The following MTMR14 variants were observed in gnomAD, a reference collection of about 807,000 sequenced individuals.
The protein encoded by MTMR14 is myotubularin related protein 14, also known as phosphatidylinositol-3,5-bisphosphate 3-phosphatase MTMR14.
MTMR14 carries 48 observed loss-of-function variants against 86.3 expected under a neutral mutation model. The ratio of observed to expected loss-of-function variants is 0.56; its 90% CI spans 0.44 to 0.71. The LOEUF is 0.71. Among genes scored for constraint, MTMR14 ranks in the 30% least tolerant of loss-of-function variants. MTMR14 has a pLI of 0.00. For missense variants in MTMR14, 780 were observed against 834.6 expected, an observed-to-expected ratio of 0.93 and a Z score of 0.81; for synonymous variants, 366 against 326.1, an observed-to-expected ratio of 1.12 and a Z score of -1.32.
intron 3 of MTMR14, among the ~76,000 whole-genome samples, chr3:9,662,850 A>G (rs1352386314): frequency 6.6e-6 from 1 of 152,174 alleles, no homozygotes; most frequent in Non-Finnish European, 1.5e-5. Flanking sequence ...AAAAATCTTT[A>G]TTGTCATGGA....
intron 7 of MTMR14, chr3:9,675,675 A>C: frequency 2.2e-6 from 1 of 457,382 alleles, no homozygotes; most frequent in African/African-American, 2.0e-5. Flanking sequence ...TATTCAGGTA[A>C]TGAACATTAG....
At chr3:9,679,189 A>G (rs1413450032) in intron 9 of MTMR14, among the ~76,000 whole-genome samples, 1 of 152,220 alleles carries the variant, frequency 6.6e-6, no homozygotes. Context: ...TGTATGAAGT[A>G]GGGTGATGTC....
chr3:9,685,065 C>A (rs900927716), intron 12 of MTMR14, 101 bp downstream of exon 12: 3 of 1,486,110 alleles, frequency 2.0e-6, no homozygotes, highest in South Asian at 1.1e-5. Context: ...AAGGATAATT[C>A]CACCCCTCGA....
At chr3:9,682,353 C>T (rs1310567427) in intron 9 of MTMR14, among the ~76,000 whole-genome samples, 1 of 152,182 alleles carries the variant, frequency 6.6e-6, no homozygotes, top group Non-Finnish European at 1.5e-5. Context: ...TGCTGTTTTG[C>T]TGGCATGCGT....
intron 18 of MTMR14, chr3:9,700,755 G>A (rs570869054): frequency 1.3e-5 from 2 of 152,314 alleles, no homozygotes; most frequent in African/African-American, 4.8e-5. Context: ...GGTTCTTCCA[G>A]GGCAATAGCT....
chr3:9,699,982 C>T (rs2076402753), intron 18 of MTMR14: 1 of 152,192 alleles, frequency 6.6e-6, no homozygotes, highest in African/African-American at 2.4e-5. Context: ...TACAGGAATC[C>T]AGTCTCAGCT....
chr3:9,655,500 A>G (rs1574927926), intron 2 of MTMR14, among the ~76,000 whole-genome samples: 1 of 102,512 alleles, frequency 9.8e-6, no homozygotes, highest in Non-Finnish European at 1.8e-5. Flanking sequence ...GTGCTCTGTC[A>G]CCCAGGCTGG....
At chr3:9,658,065 T>G (rs180746439) in intron 2 of MTMR14, among the ~76,000 whole-genome samples, 83 of 152,296 alleles carry the variant, frequency 5.4e-4, no homozygotes, top group African/African-American at 2.0e-3. Flanking sequence ...TTAGAGGAGC[T>G]TGTTGGAGTT....
Position 9,685,440 on chromosome 3 carries a change from C to T in MTMR14, c.1164+193C>T, listed in dbSNP as rs528249524. ...CAGTAGCTCTGTGTTCTGGGCCTCG[C>T]GGGCCTGTGCTGTGGAGAGGATACA... On this transcript the variant is annotated intron_variant, in intron 13 of 18. Coordinates refer to ENST00000296003, the MANE Select transcript of MTMR14 (RefSeq NM_001077525.3). 1.8e-3 allele frequency among the ~76,000 whole-genome samples: 279 copies of T among 152,232 alleles called. 2 individuals are homozygous for T. Among genetic ancestry groups the T allele is most frequent in the African/African-American group, 6.4e-3 (266 of 41,522 alleles).
chr3:9,680,241 G>A lies in MTMR14; in HGVS notation c.897+2183G>A, dbSNP rs1456961819. Among the ~76,000 whole-genome samples the A allele has an allele frequency of 4.6e-5, 7 of 152,194 alleles. 1 individual carries two copies. The highest frequency in any genetic ancestry group is 1.3e-4 in the Admixed American group (2 of 15,284). ...ACCACATCCATCACCAGCTCCCATC[G>A]GTTCTCTAGTCTCTGCCCCTAGTGC... is the stretch of plus-strand genomic sequence containing the variant. On this transcript the variant is annotated intron_variant, in intron 9 of 18. Transcript: ENST00000296003.
At chr3:9,675,221 A>G (rs904034750) in intron 7 of MTMR14, among the ~76,000 whole-genome samples, 13 of 152,240 alleles carry the variant, frequency 8.5e-5, no homozygotes, top group African/African-American at 3.1e-4. Context: ...AGGATCAATA[A>G]AAATAAAAAA....
Position 9,677,496 on chromosome 3 carries a change from A to T in MTMR14, c.822+109A>T. ...AAACAACAAGCAGTCTTTGGGGAAA[A>T]TAACTCCCCTTTCCTCCCTGATTGT... On this transcript the variant is annotated intron_variant, in intron 8 of 18. Transcript: ENST00000296003. This position sits in a 1 kb window ranked among gnomAD's most constrained non-coding sequence, Gnocchi z 4.2. The T allele has an allele frequency of 2.2e-6, 2 of 926,206 alleles. No homozygotes were observed. Among genetic ancestry groups the T allele is most frequent in the Non-Finnish European group, 1.8e-6 (1 of 562,656 alleles). 57.4% of individuals were successfully genotyped at this position (926,206 alleles called of 1,614,324 possible).
intron 3 of MTMR14, among the ~76,000 whole-genome samples, chr3:9,667,715 C>T (rs2048332147): frequency 6.6e-6 from 1 of 152,170 alleles, no homozygotes; most frequent in Non-Finnish European, 1.5e-5. Flanking sequence ...CTGCTGCTAC[C>T]TCAGATAGAG....
At chr3:9,660,775 G>T (rs1443033356) in intron 2 of MTMR14, among the ~76,000 whole-genome samples, 2 of 152,110 alleles carry the variant, frequency 1.3e-5, no homozygotes, top group African/African-American at 4.8e-5. Context: ...TTCCCTCTAG[G>T]AGTTGGTCTG....
At position 9,662,283 on chromosome 3, in the gene MTMR14, C is replaced by T. The variant is rs750228202; in HGVS notation, c.325C>T (p.Gln109Ter). ...KEKDTFESTV[Q>*]VSKLQDLIHR... ...GTGTGTTAGGTTTGAGAGTACCGTA[C>T]AGGTGAGCAAGTTGCAAGACCTCAT... Residue 109 changes from glutamine (Q) to a stop codon, truncating the protein, a stop_gained, in exon 3 of 19, where the codon CAG (glutamine) becomes TAG (stop). Coordinates refer to ENST00000296003, the MANE Select transcript of MTMR14 (RefSeq NM_001077525.3). LOFTEE classifies it high-confidence loss of function. 6.2e-7 allele frequency: 1 copy of T among 1,613,178 alleles called. No homozygotes were observed. Among genetic ancestry groups the T allele is most frequent in the Admixed American group, 1.7e-5 (1 of 59,844 alleles).
chr3:9,680,040 C>T (rs766794017), intron 9 of MTMR14, among the ~76,000 whole-genome samples: 18 of 152,188 alleles, frequency 1.2e-4, no homozygotes, highest in Non-Finnish European at 2.2e-4. Flanking sequence ...CCCAGGTGAT[C>T]TCATCCATCG....
chr3:9,680,582 A>G (rs2075728810), intron 9 of MTMR14, among the ~76,000 whole-genome samples: 1 of 152,220 alleles, frequency 6.6e-6, no homozygotes. Context: ...ACGGTGGCTC[A>G]TGCCTGTAAT....
intron 3 of MTMR14, among the ~76,000 whole-genome samples, chr3:9,667,547 A>G (rs554122711): frequency 9.9e-4 from 150 of 152,280 alleles, no homozygotes; most frequent in Non-Finnish European, 1.9e-3. Flanking sequence ...TACTTAAGCC[A>G]GCAGGAATGC....
intron 9 of MTMR14, among the ~76,000 whole-genome samples, chr3:9,679,426 C>T (rs2075687552): frequency 2.0e-5 from 3 of 152,176 alleles, no homozygotes; most frequent in South Asian, 4.1e-4. Flanking sequence ...CCCAAGCCAC[C>T]CTCTTTCTGG....
Sources: allele counts gnomAD v4.1 joint callset (sites outside exome capture counted in the v4.1 genomes callset), GRCh38; gene constraint gnomAD v4.1.1; non-coding constraint Gnocchi (gnomAD v3.1); transcripts MANE v1.5; gene names NCBI Gene and HGNC (gene_info 2026-07-23, HGNC 2026-07-21).